The following KCNIP1 variants were observed in gnomAD, a reference collection of about 807,000 sequenced individuals.
The protein encoded by KCNIP1 is A-type potassium channel modulatory protein KCNIP1.
In KCNIP1, 18 loss-of-function variants were observed where a neutral mutation model predicts 33.0. The observed-to-expected ratio is 0.55, with a 90% CI of 0.38 to 0.81. The LOEUF (loss-of-function observed/expected upper bound fraction) is 0.81. Ranked by LOEUF, KCNIP1 falls within the 30% of genes least tolerant of loss-of-function variation. The pLI, the probability that KCNIP1 is intolerant of heterozygous loss-of-function variation, is 0.00. For synonymous variants in KCNIP1, 93 were observed against 98.3 expected (o/e 0.95, Z 0.32); for missense variants, 238 against 271.6 (o/e 0.88, Z 0.87).
intron 7 of KCNIP1, among the ~76,000 whole-genome samples, chr5:170,735,344 A>G (rs1042081460): frequency 1.3e-5 from 2 of 152,252 alleles, no homozygotes; most frequent in Non-Finnish European, 2.9e-5. Context: ...CTCGAATAAA[A>G]ATAAAATAAA....
At chr5:170,585,058 A>C (rs1297198008) in intron 1 of KCNIP1, among the ~76,000 whole-genome samples, 2 of 152,168 alleles carry the variant, frequency 1.3e-5, no homozygotes, top group Non-Finnish European at 2.9e-5. Flanking sequence ...ACAGGTAAGA[A>C]AACTGAGGTT....
intron 2 of KCNIP1, among the ~76,000 whole-genome samples, chr5:170,719,117 TG>T (rs1763732233): frequency 6.6e-6 from 1 of 151,878 alleles, no homozygotes; most frequent in Admixed American, 6.6e-5. Context: ...TTTCACAGGG[TG>T]GCACATCCTC....
At chr5:170,710,679 G>T (rs1031355524) in intron 1 of KCNIP1, among the ~76,000 whole-genome samples, 2 of 152,194 alleles carry the variant, frequency 1.3e-5, no homozygotes, top group Non-Finnish European at 2.9e-5. Context: ...AAAATGATGA[G>T]ATTTTTTTTT....
At chr5:170,669,211 G>A (rs569635947) in intron 1 of KCNIP1, among the ~76,000 whole-genome samples, 1 of 152,328 alleles carries the variant, frequency 6.6e-6, no homozygotes, top group South Asian at 2.1e-4. Context: ...AGATAATTCA[G>A]ATTACTCTTT....
intron 1 of KCNIP1, among the ~76,000 whole-genome samples, chr5:170,583,183 G>A (rs922098809): frequency 1.3e-5 from 2 of 152,124 alleles, no homozygotes; most frequent in South Asian, 2.1e-4. Flanking sequence ...AAGGTCCAGC[G>A]CCCTGCCTGT....
At chr5:170,433,435 C>G (rs964544430) in intron 1 of KCNIP1, among the ~76,000 whole-genome samples, 4 of 152,176 alleles carry the variant, frequency 2.6e-5, no homozygotes, top group Non-Finnish European at 5.9e-5. Flanking sequence ...GATCCGCCCG[C>G]CTCGGCACCC....
chr5:170,713,508 T>TG (rs1001992278), intron 1 of KCNIP1, among the ~76,000 whole-genome samples: 2 of 152,182 alleles, frequency 1.3e-5, no homozygotes, highest in African/African-American at 4.8e-5. Context: ...GGACAGCCGG[T>TG]GTTCAGCTCT....
At chr5:170,708,602 G>A (rs921642132) in intron 1 of KCNIP1, among the ~76,000 whole-genome samples, 3 of 152,188 alleles carry the variant, frequency 2.0e-5, no homozygotes, top group Non-Finnish European at 2.9e-5. Context: ...TGATACATGA[G>A]TTACTTAGAA....
rs572144317 is a variant in KCNIP1 at position 170,453,070 on chromosome 5, G to A, written c.88+99106G>A. Among the ~76,000 whole-genome samples, 11 of 152,262 alleles carry A rather than the reference G, an allele frequency of 7.2e-5. No homozygotes were observed. The East Asian group carries it at 1.5e-3, about 21-fold the overall frequency. Reference sequence around the variant, plus strand: ...CTTTGGCAGTTTAAATTATACGTCCGTGCAGTCAACATTTTTGCTGGTCTC... The same window carrying A: ...CTTTGGCAGTTTAAATTATACGTCCATGCAGTCAACATTTTTGCTGGTCTC... On this transcript the variant is annotated intron_variant, in intron 1 of 7. Coordinates refer to the KCNIP1 transcript ENST00000377360.
chr5:170,725,386 G>A (rs1451382878), intron 5 of KCNIP1, among the ~76,000 whole-genome samples: 1 of 152,146 alleles, frequency 6.6e-6, no homozygotes, highest in African/African-American at 2.4e-5. Context: ...GGATGGAATT[G>A]GAGGTCATTA....
chr5:170,493,296 C>T (rs1310912813), intron 1 of KCNIP1, among the ~76,000 whole-genome samples: 1 of 152,192 alleles, frequency 6.6e-6, no homozygotes. Flanking sequence ...ATTCCATGCC[C>T]TTCTTCCTGG....
At chr5:170,396,202 G>T (rs1754758530) in intron 1 of KCNIP1, among the ~76,000 whole-genome samples, 1 of 152,232 alleles carries the variant, frequency 6.6e-6, no homozygotes, top group Non-Finnish European at 1.5e-5. Context: ...CAGTGACCTA[G>T]GGGCTCGCAA....
At position 170,504,035 on chromosome 5, in the gene KCNIP1, C is replaced by A; in HGVS notation, c.-538C>A. The A allele has an allele frequency of 1.0e-6, 1 of 982,968 alleles. No homozygotes were observed. The highest frequency in any genetic ancestry group is 1.2e-6 in the Non-Finnish European group (1 of 829,652). 60.9% of individuals were successfully genotyped at this position (982,968 alleles called of 1,614,324 possible). A position where few individuals can be genotyped will look rare whatever the true frequency, so the allele number is the denominator to read the frequency against. ...CCGCCGCTCCGACTCTCGCCCCGAGCGCTGGCAGCAGGCAGCAGGCAGCAG... is the reference window on the plus strand; with the variant it reads ...CCGCCGCTCCGACTCTCGCCCCGAGAGCTGGCAGCAGGCAGCAGGCAGCAG... On this transcript the variant is annotated 5_prime_UTR_variant, in exon 1 of 8. Coordinates refer to ENST00000328939, the MANE Select transcript of KCNIP1 (RefSeq NM_014592.4). This position sits in a 1 kb window ranked among gnomAD's most constrained non-coding sequence, Gnocchi z 6.0.
Position 170,378,499 on chromosome 5 carries a change from G to A in KCNIP1, c.88+24535G>A, listed in dbSNP as rs1377920158. The A allele has an allele frequency of 1.1e-5, 7 of 616,528 alleles. No individual in the cohort carries two copies. The East Asian group carries it at 1.9e-4, about 17-fold the overall frequency. 38.2% of individuals were successfully genotyped at this position (616,528 alleles called of 1,614,324 possible). A position where few individuals can be genotyped will look rare whatever the true frequency, so the allele number is the denominator to read the frequency against. ...CTGGCCTTATGGCCTCCAAGGCATTGGGGAGCCACTGTACATTCTTGAGCA... is the reference window on the plus strand; with the variant it reads ...CTGGCCTTATGGCCTCCAAGGCATTAGGGAGCCACTGTACATTCTTGAGCA... On this transcript the variant is annotated intron_variant, in intron 1 of 7. Transcript: ENST00000377360.
intron 1 of KCNIP1, among the ~76,000 whole-genome samples, chr5:170,615,228 CA>C (rs942714041): frequency 9.9e-5 from 15 of 151,958 alleles, no homozygotes; most frequent in African/African-American, 3.4e-4. Context: ...AATCAAAAAA[CA>C]AAAAAAGGAA....
chr5:170,388,560 G>T (rs1184218112), intron 1 of KCNIP1, among the ~76,000 whole-genome samples: 3 of 152,216 alleles, frequency 2.0e-5, no homozygotes, highest in Non-Finnish European at 4.4e-5. Context: ...ATTCAGAGAA[G>T]ATGGAGAAGG....
chr5:170,584,523 A>C (rs2113527869), intron 1 of KCNIP1, among the ~76,000 whole-genome samples: 1 of 152,288 alleles, frequency 6.6e-6, no homozygotes, highest in South Asian at 2.1e-4. Flanking sequence ...AAGTAAGAAA[A>C]GCTGCATTTA....
At chr5:170,724,193 G>A (rs1158503552) in intron 5 of KCNIP1, among the ~76,000 whole-genome samples, 1 of 152,126 alleles carries the variant, frequency 6.6e-6, no homozygotes, top group Non-Finnish European at 1.5e-5. Context: ...GGCCCAGATG[G>A]TGGACTGGTG....
At chr5:170,357,557 G>T (rs992345586) in intron 1 of KCNIP1, among the ~76,000 whole-genome samples, 3 of 152,166 alleles carry the variant, frequency 2.0e-5, no homozygotes, top group Non-Finnish European at 4.4e-5. Context: ...TTGAGGCAGG[G>T]TCTCATTCTG....
Sources: allele counts gnomAD v4.1 joint callset (sites outside exome capture counted in the v4.1 genomes callset), GRCh38; gene constraint gnomAD v4.1.1; non-coding constraint Gnocchi (gnomAD v3.1); transcripts MANE v1.5; gene names NCBI Gene and HGNC (gene_info 2026-07-23, HGNC 2026-07-21).